Variants in AGPAT4 observed in about 807,000 individuals in gnomAD.
AGPAT4 encodes 1-acylglycerol-3-phosphate O-acyltransferase 4, also known as 1-acyl-sn-glycerol-3-phosphate acyltransferase delta.
Under a neutral mutation model 48.0 loss-of-function variants are expected in AGPAT4, and 15 were observed. The observed-to-expected ratio is 0.31, with a 90% CI of 0.21 to 0.48. The LOEUF (loss-of-function observed/expected upper bound fraction) is 0.48. Among genes scored for constraint, AGPAT4 ranks in the 20% least tolerant of loss-of-function variants. The pLI is 0.99. For missense variants in AGPAT4, 314 were observed against 482.5 expected, an observed-to-expected ratio of 0.65 and a Z score of 3.27; for synonymous variants, 178 against 198.7, an observed-to-expected ratio of 0.90 and a Z score of 0.88.
chr6:161,190,529 C>G (rs1030372230), intron 2 of AGPAT4, among the ~76,000 whole-genome samples: 7 of 149,978 alleles, frequency 4.7e-5, no homozygotes, highest in African/African-American at 1.7e-4. Flanking sequence ...CTGGTTTTAG[C>G]TATCTGTGGC....
intron 2 of AGPAT4, among the ~76,000 whole-genome samples, chr6:161,188,471 T>A (rs185545076): frequency 6.6e-6 from 1 of 152,324 alleles, no homozygotes; most frequent in African/African-American, 2.4e-5. Context: ...CAACGTAATA[T>A]TCTGTCCCTA....
intron 2 of AGPAT4, among the ~76,000 whole-genome samples, chr6:161,192,273 C>T (rs939475992): frequency 1.3e-5 from 2 of 151,366 alleles, no homozygotes; most frequent in Admixed American, 6.6e-5. Flanking sequence ...GCCTCAGCCT[C>T]CTGAATAGCT....
intron 2 of AGPAT4, among the ~76,000 whole-genome samples, chr6:161,213,217 T>C (rs769066548): frequency 4.6e-5 from 7 of 152,204 alleles, no homozygotes; most frequent in Admixed American, 1.3e-4. Flanking sequence ...AGATTCCTCC[T>C]ATGGAACACA....
At position 161,136,045 on chromosome 6, in the gene AGPAT4, C is replaced by T. The variant is rs1779053276; in HGVS notation, c.*495G>A. On this transcript the variant is annotated 3_prime_UTR_variant, in exon 9 of 9. Transcript: ENST00000320285. The stretch of plus-strand genomic sequence containing the variant: ...CACGGGCAAGGGCAGGATGGAGGGG[C>T]AGCGGTCCATGTCAACATACACCAC... 6.3e-6 allele frequency: 1 copy of T among 158,634 alleles called. No individual in the cohort carries two copies. The highest frequency in any genetic ancestry group is 1.4e-5 in the Non-Finnish European group (1 of 72,238). The allele number at this position is 158,634 out of a possible 1,614,324, so 9.8% of individuals were successfully genotyped here. A position where few individuals can be genotyped will look rare whatever the true frequency, so the allele number is the denominator to read the frequency against.
rs1434433803 is a variant in AGPAT4 at position 161,237,913 on chromosome 6, G to A, written c.-89-5611C>T. ...CTGAGGGAGAAAGTTTACACTGCTT[G>A]CTAACTTGAGGAGGGACCACAGGGT... On this transcript the variant is annotated intron_variant, in intron 1 of 8. Transcript: ENST00000320285. Among the ~76,000 whole-genome samples the A allele has an allele frequency of 2.6e-5, 4 of 152,114 alleles. No individual in the cohort carries two copies. In the East Asian group the frequency reaches 7.7e-4, roughly 29 times the overall value.
At position 161,233,800 on chromosome 6, in the gene AGPAT4, G is replaced by A. The variant is rs1269516566; in HGVS notation, c.-89-1498C>T. ...CCTACAGTATTTTCAATTCGCAATGGGTTTATCGGGATGTAATCCCATCAT... is the reference window on the plus strand; with the variant it reads ...CCTACAGTATTTTCAATTCGCAATGAGTTTATCGGGATGTAATCCCATCAT... On this transcript the variant is annotated intron_variant, in intron 1 of 8. Transcript: ENST00000320285. The surrounding 1 kb of genome is among the most constrained non-coding windows in gnomAD (Gnocchi z 5.4). Among the ~76,000 whole-genome samples the A allele has an allele frequency of 6.6e-6, 1 of 152,190 alleles. No homozygotes were observed.
intron 3 of AGPAT4, among the ~76,000 whole-genome samples, chr6:161,162,816 A>G (rs1779975776): frequency 6.6e-6 from 1 of 152,238 alleles, no homozygotes; most frequent in African/African-American, 2.4e-5. Flanking sequence ...CTGAACGATC[A>G]TGCTCTTATG....
Position 161,219,879 on chromosome 6 carries a change from G to A in AGPAT4, c.178+12157C>T, listed in dbSNP as rs77794005. ...GATAGATAGATAGATAGATAGGCAG[G>A]CAGGCAGGCAGGCAGGCAGGCAGGC... On this transcript the variant is annotated intron_variant, in intron 2 of 8. Transcript: ENST00000320285. This position sits in a 1 kb window ranked among gnomAD's most constrained non-coding sequence, Gnocchi z 4.9. 0.1 allele frequency among the ~76,000 whole-genome samples: 9,440 copies of A among 91,664 alleles called. 630 individuals carry two copies. The highest frequency in any genetic ancestry group is 0.14 in the African/African-American group (3,713 of 26,614). The allele number at this position is 91,664 out of a possible 152,430, so 60.1% of individuals were successfully genotyped here.
chr6:161,167,564 A>G lies in AGPAT4; in HGVS notation c.179-1147T>C, dbSNP rs1780140879. 2.0e-5 allele frequency among the ~76,000 whole-genome samples: 3 copies of G among 152,132 alleles called. No homozygotes were observed. In the South Asian group the frequency reaches 6.2e-4, roughly 32 times the overall value. On this transcript the variant is annotated intron_variant, in intron 2 of 8. Coordinates refer to ENST00000320285, the MANE Select transcript of AGPAT4 (RefSeq NM_020133.3). The stretch of plus-strand genomic sequence containing the variant: ...TTAATCACTCGTTAGTGAAGCATGC[A>G]TGCAGCAGAGGACTCACTCCCTCCC...
chr6:161,145,102 T>C (rs1311241141), intron 7 of AGPAT4, among the ~76,000 whole-genome samples: 1 of 151,790 alleles, frequency 6.6e-6, no homozygotes, highest in Non-Finnish European at 1.5e-5. Flanking sequence ...TATGGTTTTC[T>C]GTTTCTCTGT....
chr6:161,208,487 T>TC lies in AGPAT4; in HGVS notation c.178+23548_178+23549insG, dbSNP rs1328964954. ...CATCTGCAGGTTTAAGCATTTTTTTTTTCCATAATGTTCACAAAGTTTAAG... is the reference window on the plus strand; with the variant it reads ...CATCTGCAGGTTTAAGCATTTTTTTTCTTCCATAATGTTCACAAAGTTTAAG... On this transcript the variant is annotated intron_variant, in intron 2 of 8. Coordinates refer to ENST00000320285, the MANE Select transcript of AGPAT4 (RefSeq NM_020133.3). This position sits in a 1 kb window ranked among gnomAD's most constrained non-coding sequence, Gnocchi z 4.6. 6.6e-6 allele frequency among the ~76,000 whole-genome samples: 1 copy of TC among 151,800 alleles called. No homozygotes were observed. Among genetic ancestry groups the TC allele is most frequent in the Non-Finnish European group, 1.5e-5 (1 of 67,982 alleles).
At position 161,262,154 on chromosome 6, in the gene AGPAT4, CTCCTTCTA is replaced by C. The variant is rs1783121920; in HGVS notation, c.-90+11776_-90+11783del. Among the ~76,000 whole-genome samples the C allele has an allele frequency of 6.6e-6, 1 of 152,120 alleles. No individual in the cohort carries two copies. The highest frequency in any genetic ancestry group is 6.5e-5 in the Admixed American group (1 of 15,272). On this transcript the variant is annotated intron_variant, in intron 1 of 8. Coordinates refer to ENST00000320285, the MANE Select transcript of AGPAT4 (RefSeq NM_020133.3). This position sits in a 1 kb window ranked among gnomAD's most constrained non-coding sequence, Gnocchi z 4.9. The stretch of plus-strand genomic sequence containing the variant: ...AGTCACCCTCTTCTGGCTAGCCACC[CTCCTTCTA>C]TCCTGAGGTTCCAGTCCTCTCAGCC...
At position 161,218,453 on chromosome 6, in the gene AGPAT4, CCTTTA is replaced by C. The variant is rs1415507547; in HGVS notation, c.178+13578_178+13582del. Among the ~76,000 whole-genome samples, 1 of 152,210 alleles carries C rather than the reference CCTTTA, an allele frequency of 6.6e-6. No homozygotes were observed. Among genetic ancestry groups the C allele is most frequent in the East Asian group, 1.9e-4 (1 of 5,200 alleles). ...AAGTGGGGAAATCACAGCAAGAATA[CCTTTA>C]CTTTACGTTTGTCTAGCACCTTACA... On this transcript the variant is annotated intron_variant, in intron 2 of 8. Coordinates refer to ENST00000320285, the MANE Select transcript of AGPAT4 (RefSeq NM_020133.3). The surrounding 1 kb of genome is among the most constrained non-coding windows in gnomAD (Gnocchi z 4.7).
intron 1 of AGPAT4, among the ~76,000 whole-genome samples, chr6:161,248,094 T>A (rs951218544): frequency 2.0e-5 from 3 of 150,684 alleles, no homozygotes; most frequent in African/African-American, 7.4e-5. Flanking sequence ...TGTTTGTAGA[T>A]GACAGGATCC....
chr6:161,165,574 T>C lies in AGPAT4; in HGVS notation c.348+674A>G. ...TGTGTACACTGTGATTCCTACGGAA[T>C]ACCTGAGTACCGCAGATGACTCTGA... On this transcript the variant is annotated intron_variant, in intron 3 of 8. Coordinates refer to ENST00000320285, the MANE Select transcript of AGPAT4 (RefSeq NM_020133.3). This position sits in a 1 kb window ranked among gnomAD's most constrained non-coding sequence, Gnocchi z 5.5. 2 of 1,293,440 alleles carry C rather than the reference T, an allele frequency of 1.5e-6. No individual in the cohort carries two copies. Among genetic ancestry groups the C allele is most frequent in the Non-Finnish European group, 2.0e-6 (2 of 985,208 alleles). 80.1% of individuals were successfully genotyped at this position (1,293,440 alleles called of 1,614,324 possible). A position where few individuals can be genotyped will look rare whatever the true frequency, so the allele number is the denominator to read the frequency against.
chr6:161,132,792 G>C lies in AGPAT4; in HGVS notation c.*3748C>G, dbSNP rs1177152283. ...GCATTATGAGGGGACTACTCCACAG[G>C]ACCTTGGAGAGTTGCATTTTGGGGG... On this transcript the variant is annotated 3_prime_UTR_variant, in exon 9 of 9. Coordinates refer to ENST00000320285, the MANE Select transcript of AGPAT4 (RefSeq NM_020133.3). 1 of 152,244 alleles carries C rather than the reference G, an allele frequency of 6.6e-6. No homozygotes were observed. Among genetic ancestry groups the C allele is most frequent in the Non-Finnish European group, 1.5e-5 (1 of 68,072 alleles). The allele number at this position is 152,244 out of a possible 1,614,324, so 9.4% of individuals were successfully genotyped here. A position where few individuals can be genotyped will look rare whatever the true frequency, so the allele number is the denominator to read the frequency against.
At chr6:161,172,954 C>A (rs1376196896) in intron 2 of AGPAT4, among the ~76,000 whole-genome samples, 2 of 152,202 alleles carry the variant, frequency 1.3e-5, no homozygotes, top group South Asian at 2.1e-4. Context: ...TCATCCATAT[C>A]CCTACAAAGA....
At chr6:161,162,450 G>A (rs371575925) in intron 3 of AGPAT4, among the ~76,000 whole-genome samples, 6 of 152,170 alleles carry the variant, frequency 3.9e-5, no homozygotes, top group East Asian at 1.9e-4. Context: ...GCCATATTCC[G>A]GGAAACACTG....
Position 161,149,065 on chromosome 6 carries a change from A to AAC in AGPAT4, c.767+120_767+121dup, listed in dbSNP as rs2114961317. 7.5e-7 allele frequency: 1 copy of AAC among 1,328,256 alleles called. No homozygotes were observed. The highest frequency in any genetic ancestry group is 1.0e-6 in the Non-Finnish European group (1 of 997,730). The allele number at this position is 1,328,256 out of a possible 1,614,324, so 82.3% of individuals were successfully genotyped here. The stretch of plus-strand genomic sequence containing the variant: ...GTAGGATGTGTCAAATTCAATGCAA[A>AAC]ACAGACTGCAAAGAAGTCAGTGTGA... On this transcript the variant is annotated intron_variant, in intron 6 of 8. Coordinates refer to ENST00000320285, the MANE Select transcript of AGPAT4 (RefSeq NM_020133.3). The surrounding 1 kb of genome is among the most constrained non-coding windows in gnomAD (Gnocchi z 6.5).
Sources: allele counts gnomAD v4.1 joint callset (sites outside exome capture counted in the v4.1 genomes callset), GRCh38; gene constraint gnomAD v4.1.1; non-coding constraint Gnocchi (gnomAD v3.1); transcripts MANE v1.5; gene names NCBI Gene and HGNC (gene_info 2026-07-23, HGNC 2026-07-21).